KALRN: variants seen among roughly 807,000 people sequenced by gnomAD.
KALRN encodes kalirin RhoGEF kinase, also known as kalirin.
A neutral mutation model predicts 353.7 loss-of-function variants in KALRN; 70 were observed. That is an observed-to-expected ratio of 0.20 (90% confidence interval 0.16 to 0.24). KALRN has a LOEUF of 0.24. Among genes scored for constraint, KALRN ranks in the 10% least tolerant of loss-of-function variants. The pLI, the probability that KALRN is intolerant of heterozygous loss-of-function variation, is 1.00. For missense variants in KALRN, 2,791 were observed against 3,756.7 expected, an observed-to-expected ratio of 0.74 and a Z score of 6.72; for synonymous variants, 1,391 against 1,434.8, an observed-to-expected ratio of 0.97 and a Z score of 0.69.
rs1019410635 is a variant in KALRN, at chr3:124,278,306, A to G, written c.969+9051A>G. On this transcript the variant is annotated intron_variant, in intron 5 of 59. Transcript: ENST00000682506. The stretch of plus-strand genomic sequence containing the variant: ...GTCTCTGTTGCTTTCTGGGTGGGGT[A>G]GGGCTGGTGGAGGTGGGGTGAGTGT... 6.2e-4 allele frequency among the ~76,000 whole-genome samples: 95 copies of G among 152,232 alleles called. 1 individual carries two copies. The highest frequency in any genetic ancestry group is 6.2e-3 in the Admixed American group (95 of 15,290).
At chr3:124,603,105 C>T (rs912562325) in intron 34 of KALRN, among the ~76,000 whole-genome samples, 16 of 152,130 alleles carry the variant, frequency 1.1e-4, no homozygotes, top group Non-Finnish European at 2.4e-4. Context: ...TATGTAAACC[C>T]TCTGCCGCCA....
intron 56 of KALRN, 45 bp downstream of exon 56, chr3:124,700,078 G>A: frequency 6.3e-7 from 1 of 1,594,992 alleles, no homozygotes; most frequent in Non-Finnish European, 8.6e-7. Flanking sequence ...TGGGATTGAG[G>A]CACCTGGCTG....
At chr3:124,580,317 G>A (rs373550189) in intron 34 of KALRN, among the ~76,000 whole-genome samples, 10 of 128,030 alleles carry the variant, frequency 7.8e-5, no homozygotes, top group East Asian at 5.5e-4. Flanking sequence ...AAATACTTGC[G>A]CCCAGTTGCA....
intron 1 of KALRN, among the ~76,000 whole-genome samples, chr3:124,048,606 C>T (rs765785048): frequency 4.6e-5 from 7 of 151,994 alleles, no homozygotes; most frequent in East Asian, 1.9e-4. Flanking sequence ...CTCAGCCTCC[C>T]GAGTAGCTGG....
intron 3 of KALRN, among the ~76,000 whole-genome samples, chr3:124,240,903 G>C (rs16835215): frequency 6.6e-6 from 1 of 152,044 alleles, no homozygotes; most frequent in Non-Finnish European, 1.5e-5. Flanking sequence ...CCAGGTGCTC[G>C]TAATTGTTAG....
Position 124,446,145 on chromosome 3 carries a change from T to A in KALRN, c.3314-16T>A. ...CAGAGCCCCTTGTGACCATCATGCA[T>A]CTCCTCTGCCCACAGCCATCCTGAG... On this transcript the variant is annotated splice_polypyrimidine_tract_variant and intron_variant, in intron 19 of 59. Transcript: ENST00000682506. 6.3e-7 allele frequency: 1 copy of A among 1,585,416 alleles called. No homozygotes were observed. The highest frequency in any genetic ancestry group is 8.7e-7 in the Non-Finnish European group (1 of 1,155,402).
In KALRN at chr3:124,384,568, G is replaced by T. The variant is rs148600067; in HGVS notation, c.1771-277G>T. 144 of 309,950 alleles carry T rather than the reference G, an allele frequency of 4.6e-4. No individual in the cohort carries two copies. The East Asian group carries it at 7.0e-3, about 15-fold the overall frequency. 19.2% of individuals were successfully genotyped at this position (309,950 alleles called of 1,614,324 possible). A position where few individuals can be genotyped will look rare whatever the true frequency, so the allele number is the denominator to read the frequency against. On this transcript the variant is annotated intron_variant, in intron 10 of 59. Coordinates refer to ENST00000682506, the MANE Select transcript of KALRN (RefSeq NM_001388419.1). ...AAGGTAGGGGATAGGGAGCAGCTGG[G>T]GTATGGAGGTTCTCTACGCTCTCCC...
In KALRN at chr3:124,118,122, T is replaced by TAG. The variant is rs2063621747; in HGVS notation, c.73+84309_73+84310insAG. On this transcript the variant is annotated intron_variant, in intron 1 of 59. Transcript: ENST00000682506. ...TGGCATGGAGGTAGGCAGAGGAGAG[T>TAG]GCCTTCCCTCAGGGTGACTGTCAGA... Among the ~76,000 whole-genome samples the TAG allele has an allele frequency of 2.6e-5, 4 of 151,940 alleles. No individual in the cohort carries two copies. In the South Asian group the frequency reaches 8.3e-4, roughly 32 times the overall value.
At chr3:124,503,972 TC>T (rs2064917383) in intron 33 of KALRN, among the ~76,000 whole-genome samples, 1 of 152,184 alleles carries the variant, frequency 6.6e-6, no homozygotes, top group African/African-American at 2.4e-5. Context: ...TTGCCAATCG[TC>T]TGCAAAAGCA....
chr3:124,697,267 A>C (rs1448537627), intron 54 of KALRN, among the ~76,000 whole-genome samples: 1 of 152,248 alleles, frequency 6.6e-6, no homozygotes, highest in African/African-American at 2.4e-5. Context: ...GTAAAAATTC[A>C]AAAATAAAGT....
At chr3:124,342,977 C>T (rs562885198) in intron 9 of KALRN, among the ~76,000 whole-genome samples, 1 of 152,352 alleles carries the variant, frequency 6.6e-6, no homozygotes, top group East Asian at 1.9e-4. Context: ...TACCACCTGC[C>T]TCTCCATCTC....
intron 1 of KALRN, among the ~76,000 whole-genome samples, chr3:124,050,769 T>C (rs1420121587): frequency 6.6e-6 from 1 of 152,074 alleles, no homozygotes; most frequent in Non-Finnish European, 1.5e-5. Context: ...ACCTTAATGG[T>C]CAAGTCCACC....
At chr3:124,425,115 A>C (rs1416145743) in intron 15 of KALRN, among the ~76,000 whole-genome samples, 2 of 152,002 alleles carry the variant, frequency 1.3e-5, no homozygotes, top group Non-Finnish European at 2.9e-5. Flanking sequence ...TGGCTATAAG[A>C]GATAGAGAAG....
chr3:124,577,374 A>G (rs2074217183), intron 34 of KALRN, among the ~76,000 whole-genome samples: 1 of 152,164 alleles, frequency 6.6e-6, no homozygotes, highest in African/African-American at 2.4e-5. Flanking sequence ...GTAATGGTTC[A>G]GTCATTAGAG....
At chr3:124,087,054 A>AT (rs1043375330) in intron 1 of KALRN, among the ~76,000 whole-genome samples, 6 of 152,074 alleles carry the variant, frequency 3.9e-5, no homozygotes, top group Admixed American at 1.3e-4. Context: ...TGGGCATCAG[A>AT]TTTTTTTTGC....
At chr3:124,241,790 C>T (rs868852350) in intron 3 of KALRN, among the ~76,000 whole-genome samples, 2 of 152,110 alleles carry the variant, frequency 1.3e-5, no homozygotes, top group East Asian at 1.9e-4. Flanking sequence ...CATACAGCCT[C>T]GCTGTTGACT....
chr3:124,450,503 G>A (rs1359315508), intron 21 of KALRN, among the ~76,000 whole-genome samples: 7 of 152,132 alleles, frequency 4.6e-5, no homozygotes, highest in African/African-American at 1.2e-4. Flanking sequence ...ACTTTAGACC[G>A]AGAGAGGTAG....
chr3:124,234,680 C>G (rs1014184693), intron 2 of KALRN, 149 bp from the exon 3 acceptor site: 1 of 623,842 alleles, frequency 1.6e-6, no homozygotes, highest in Non-Finnish European at 2.8e-6. Context: ...GCATCTAGAC[C>G]CCCCCACCTT....
intron 10 of KALRN, among the ~76,000 whole-genome samples, chr3:124,375,480 C>G (rs1022009444): frequency 1.3e-5 from 2 of 152,324 alleles, no homozygotes. Context: ...CCTTCCACAG[C>G]TCCCCATTCC....
Sources: allele counts gnomAD v4.1 joint callset (sites outside exome capture counted in the v4.1 genomes callset), GRCh38; gene constraint gnomAD v4.1.1; transcripts MANE v1.5; gene names NCBI Gene and HGNC (gene_info 2026-07-23, HGNC 2026-07-21).